UBR4: variants seen among roughly 807,000 people sequenced by gnomAD.
UBR4 encodes E3 ubiquitin-protein ligase UBR4.
Under a neutral mutation model 575.6 loss-of-function variants are expected in UBR4, and 124 were observed. The observed-to-expected ratio is 0.22, with a 90% confidence interval of 0.19 to 0.25. UBR4 has a LOEUF of 0.25. UBR4 is among the 10% of genes least tolerant of loss of function. The pLI, the probability that UBR4 is intolerant of heterozygous loss-of-function variation, is 1.00. For missense variants in UBR4, 4,818 were observed against 6,478.8 expected (o/e 0.74, Z 8.80); for synonymous variants, 2,455 against 2,473.7 (o/e 0.99, Z 0.22).
In UBR4 at chr1:19,147,091, T is replaced by C. The variant is rs2084974787; in HGVS notation, c.7630-91A>G. 6 of 1,404,286 alleles carry C rather than the reference T, an allele frequency of 4.3e-6. No homozygotes were observed. In the African/African-American group the frequency reaches 4.3e-5, roughly 10 times the overall value. The allele number at this position is 1,404,286 out of a possible 1,614,324, so 87.0% of individuals were successfully genotyped here. A position where few individuals can be genotyped will look rare whatever the true frequency, so the allele number is the denominator to read the frequency against. On this transcript the variant is annotated intron_variant, in intron 51 of 105. Transcript: ENST00000375254. ...GAGAAAAGCTGGCAGATCACCAGGA[T>C]TATTACCTCCTCTCAAGAGAACAGG...
chr1:19,101,700 A>G, intron 87 of UBR4, 59 bp from the exon 88 acceptor site: 1 of 1,564,842 alleles, frequency 6.4e-7, no homozygotes, highest in African/African-American at 1.4e-5. Flanking sequence ...AGGTGAAATG[A>G]GAATTCTAAC....
chr1:19,081,301 C>G (rs2076481910), intron 103 of UBR4, 48 bp downstream of exon 103: 1 of 1,504,826 alleles, frequency 6.6e-7, no homozygotes, highest in Admixed American at 2.2e-5. Context: ...CTTTTCAAAA[C>G]TGATGATGGG....
chr1:19,103,935 T>G, intron 87 of UBR4, 149 bp downstream of exon 87: 1 of 954,184 alleles, frequency 1.0e-6, no homozygotes, highest in Non-Finnish European at 1.5e-6. Flanking sequence ...GAGCCAACAC[T>G]TTGTCAAGAA....
intron 81 of UBR4, among the ~76,000 whole-genome samples, chr1:19,109,594 G>A (rs1195828038): frequency 3.3e-5 from 5 of 152,242 alleles, no homozygotes; most frequent in Non-Finnish European, 1.5e-5. Flanking sequence ...TGATCACTTA[G>A]TCTGCATTAT....
intron 14 of UBR4, 89 bp from the exon 15 acceptor site, chr1:19,185,375 G>A: frequency 1.6e-6 from 2 of 1,267,190 alleles, no homozygotes; most frequent in East Asian, 2.6e-5. Context: ...TAAGTCAAAA[G>A]GAATACAAGG....
intron 59 of UBR4, among the ~76,000 whole-genome samples, chr1:19,138,795 AG>A (rs2083478965): frequency 6.6e-6 from 1 of 152,188 alleles, no homozygotes; most frequent in South Asian, 2.1e-4. Context: ...AGTTTCAGAG[AG>A]GAAAAAAAAG....
At chr1:19,147,395 C>T (rs1367594025) in intron 51 of UBR4, among the ~76,000 whole-genome samples, 2 of 152,128 alleles carry the variant, frequency 1.3e-5, no homozygotes, top group South Asian at 2.1e-4. Context: ...CTCAGTTCTC[C>T]GGGTTGGAGG....
chr1:19,131,263 A>G (rs573106865), intron 60 of UBR4, among the ~76,000 whole-genome samples: 1 of 149,818 alleles, frequency 6.7e-6, no homozygotes, highest in Admixed American at 6.6e-5. Context: ...AAAAAAAAAA[A>G]AAAAAATAAA....
At position 19,153,883 on chromosome 1, in the gene UBR4, T is replaced by C. The variant is rs747880144; in HGVS notation, c.6515A>G (p.Asn2172Ser). The change falls in exon 45 of 106, where the codon AAC becomes AGC. Residue 2172 changes from asparagine to serine, a missense_variant. Around this residue, in one of 29 missense-constraint regions of UBR4, gnomAD observed 461 missense variants for 606.9 expected, o/e 0.76. Transcript: ENST00000375254. This position sits in a 1 kb window ranked among gnomAD's most constrained non-coding sequence, Gnocchi z 4.1. The part of the protein sequence containing the change: ...PALCQWSEVM[N>S]HPGLVCCVQQ... ...GACACAGCACACCAAGCCAGGGTGG[T>C]TCATCACCTCAGACCACTGGCAAAG... 2 of 1,614,090 alleles carry C rather than the reference T, an allele frequency of 1.2e-6. No individual in the cohort carries two copies. The highest frequency in any genetic ancestry group is 2.2e-5 in the South Asian group (2 of 91,082).
Position 19,153,186 on chromosome 1 carries a change from G to T in UBR4, c.6832+115C>A. ...TTTTGGGAAATTAACTTTACAAAAT[G>T]TGCAAGTAGGACAGTCACATTTCTT... On this transcript the variant is annotated intron_variant, in intron 46 of 105. Transcript: ENST00000375254. This position sits in a 1 kb window ranked among gnomAD's most constrained non-coding sequence, Gnocchi z 4.1. 1 of 1,215,384 alleles carries T rather than the reference G, an allele frequency of 8.2e-7. No homozygotes were observed. The highest frequency in any genetic ancestry group is 1.2e-6 in the Non-Finnish European group (1 of 858,642). The allele number at this position is 1,215,384 out of a possible 1,614,324, so 75.3% of individuals were successfully genotyped here. A position where few individuals can be genotyped will look rare whatever the true frequency, so the allele number is the denominator to read the frequency against.
At position 19,160,106 on chromosome 1, in the gene UBR4, C is replaced by G. The variant is rs1350347910; in HGVS notation, c.5577+5G>C. ...CACCAAACATCATGGCCCCAAGACA[C>G]TCACCATCAGCTGGTCTGTCATCTC... On this transcript the variant is annotated splice_donor_5th_base_variant and intron_variant, in intron 39 of 105. Coordinates refer to ENST00000375254, the MANE Select transcript of UBR4 (RefSeq NM_020765.3). 6.2e-7 allele frequency: 1 copy of G among 1,605,910 alleles called. No homozygotes were observed. The highest frequency in any genetic ancestry group is 1.3e-5 in the African/African-American group (1 of 74,534).
intron 60 of UBR4, among the ~76,000 whole-genome samples, chr1:19,137,364 A>G (rs1299119503): frequency 6.6e-6 from 1 of 152,132 alleles, no homozygotes; most frequent in Non-Finnish European, 1.5e-5. Context: ...ACCTCAACAA[A>G]TTCAACAAAC....
rs2089867402 is a variant in UBR4 at position 19,173,480 on chromosome 1, A to C, written c.3124T>G (p.Ser1042Ala). 6.2e-7 allele frequency: 1 copy of C among 1,614,030 alleles called. No individual in the cohort carries two copies. The highest frequency in any genetic ancestry group is 8.5e-7 in the Non-Finnish European group (1 of 1,180,034). Residue 1042 changes from serine (S) to alanine (A), a missense_variant, in exon 23 of 106, where the codon TCT becomes GCT. Coordinates refer to ENST00000375254, the MANE Select transcript of UBR4 (RefSeq NM_020765.3). ...ECDILHTLRW[S>A]SRLRISSYVN... ...TAGGAGCTGATCCGGAGCCGAGAAG[A>C]CCATCGCAGAGTGTGCAAGATGTCA...
At chr1:19,148,231 A>G (rs1401800657) in intron 50 of UBR4, 104 bp from the exon 51 acceptor site, 1 of 1,398,338 alleles carries the variant, frequency 7.2e-7, no homozygotes, top group Non-Finnish European at 9.5e-7. Context: ...CACCAGGGCT[A>G]GGTTATGCTC....
chr1:19,140,770 C>A lies in UBR4; in HGVS notation c.8593+18G>T. ...GGTCCTGGGGCCCTGAGCCGTGCTC[C>A]TTGCTGTGGACAGTTACCTGATGCT... On this transcript the variant is annotated intron_variant, in intron 58 of 105. Coordinates refer to ENST00000375254, the MANE Select transcript of UBR4 (RefSeq NM_020765.3). 1 of 1,609,970 alleles carries A rather than the reference C, an allele frequency of 6.2e-7. No homozygotes were observed. Among genetic ancestry groups the A allele is most frequent in the Non-Finnish European group, 8.5e-7 (1 of 1,178,718 alleles).
At chr1:19,111,003 C>T (rs915210770) in intron 78 of UBR4, among the ~76,000 whole-genome samples, 171 bp from the exon 79 acceptor site, 14 of 152,150 alleles carry the variant, frequency 9.2e-5, no homozygotes, top group Admixed American at 2.0e-4. Context: ...AAACCGTGGT[C>T]GGTAATAATA....
In UBR4 at chr1:19,076,902, T is replaced by G. The variant is rs755578852; in HGVS notation, c.15325A>C (p.Lys5109Gln). The change falls in exon 105 of 106, where the codon AAG becomes CAG. Residue 5109 changes from lysine to glutamine, a missense_variant and splice_region_variant. By Grantham distance (53) the Lys-to-Gln change is moderately conservative. Transcript: ENST00000375254. ...CCCTCTGTGTTACTGGTAGGCACCT[T>G]CTACGAGAATCAACAGGAGACAAGA... ...LVDLIYNMFK[K>Q]VPTSNTEGGW... The G allele has an allele frequency of 6.5e-7, 1 of 1,547,808 alleles. No homozygotes were observed. The highest frequency in any genetic ancestry group is 1.3e-5 in the South Asian group (1 of 79,592).
chr1:19,173,154 T>C (rs772630629), intron 24 of UBR4, 27 bp downstream of exon 24: 1 of 1,614,042 alleles, frequency 6.2e-7, no homozygotes, highest in South Asian at 1.1e-5. Context: ...AACCAAGTTC[T>C]ATCATTTAGG....
rs1330844710 is a variant in UBR4 at position 19,123,021 on chromosome 1, C to T, written c.9628G>A (p.Val3210Ile). ...CAGATGAAGAGCAGAAGTTTGCGGACTTGACGGCGCACAAATGGAGTCTGC... is the reference window on the plus strand; with the variant it reads ...CAGATGAAGAGCAGAAGTTTGCGGATTTGACGGCGCACAAATGGAGTCTGC... ...IQQTPFVRRQVRKLLLFICGS... is the reference protein window; with the variant it reads ...IQQTPFVRRQIRKLLLFICGS... Residue 3210 changes from valine (V) to isoleucine (I), a missense_variant, in exon 66 of 106, where the codon GTC (valine) becomes ATC (isoleucine). By Grantham distance (29) the Val-to-Ile change is conservative. Around this residue, in one of 29 missense-constraint regions of UBR4, gnomAD observed 550 missense variants for 791.5 expected, o/e 0.69. Transcript: ENST00000375254. The T allele has an allele frequency of 6.2e-7, 1 of 1,614,208 alleles. No individual in the cohort carries two copies. Among genetic ancestry groups the T allele is most frequent in the East Asian group, 2.2e-5 (1 of 44,878 alleles).
Sources: allele counts gnomAD v4.1 joint callset (sites outside exome capture counted in the v4.1 genomes callset), GRCh38; gene constraint gnomAD v4.1.1; regional missense constraint gnomAD v4.1.1; non-coding constraint Gnocchi (gnomAD v3.1); transcripts MANE v1.5; gene names NCBI Gene and HGNC (gene_info 2026-07-23, HGNC 2026-07-21).